The following TRAPPC9 variants were observed in gnomAD, a reference collection of about 807,000 sequenced individuals.
TRAPPC9 encodes trafficking protein particle complex subunit 9.
TRAPPC9 carries 83 observed loss-of-function variants against 124.0 expected under a neutral mutation model. That is an observed-to-expected ratio of 0.67 (90% CI 0.56 to 0.80). The LOEUF (loss-of-function observed/expected upper bound fraction) is 0.80. Among genes scored for constraint, TRAPPC9 ranks in the 30% least tolerant of loss-of-function variants. The pLI, the probability that TRAPPC9 is intolerant of heterozygous loss-of-function variation, is 0.00. For synonymous variants in TRAPPC9, 638 were observed against 617.5 expected (o/e 1.03, Z -0.49); for missense variants, 1,302 against 1,508.3 (o/e 0.86, Z 2.27).
At chr8:139,875,799 C>T (rs144224995) in intron 21 of TRAPPC9, among the ~76,000 whole-genome samples, 2 of 152,366 alleles carry the variant, frequency 1.3e-5, no homozygotes, top group Non-Finnish European at 1.5e-5. Context: ...CCCCAGTGGG[C>T]GGAGGCTCCT....
intron 15 of TRAPPC9, among the ~76,000 whole-genome samples, chr8:140,258,782 C>T (rs1033479294): frequency 2.6e-5 from 4 of 152,240 alleles, no homozygotes; most frequent in Non-Finnish European, 5.9e-5. Context: ...ACCAATGGGG[C>T]CTGCTTGCTG....
At chr8:139,913,845 C>T (rs1405076682) in intron 19 of TRAPPC9, 1 of 152,272 alleles carries the variant, frequency 6.6e-6, no homozygotes, top group Admixed American at 6.5e-5. Flanking sequence ...TACCTCTATC[C>T]ACCTCTAATA....
rs116989797 is a variant in TRAPPC9, at chr8:140,221,858, G to A, written c.2432-275C>T. 5.9e-5 allele frequency among the ~76,000 whole-genome samples: 9 copies of A among 152,190 alleles called. No individual in the cohort carries two copies. In the East Asian group the frequency reaches 1.7e-3, roughly 29 times the overall value. On this transcript the variant is annotated intron_variant, in intron 16 of 22. Coordinates refer to ENST00000438773, the MANE Select transcript of TRAPPC9 (RefSeq NM_001160372.4). ...TCACCACGTTGCCCAGGCTGGTTTT[G>A]TTTTTGTTTTTGTTTATGTAGGGGA... is the stretch of plus-strand genomic sequence containing the variant.
chr8:139,960,177 C>T (rs1835286579), intron 19 of TRAPPC9, among the ~76,000 whole-genome samples: 1 of 152,212 alleles, frequency 6.6e-6, no homozygotes, highest in African/African-American at 2.4e-5. Flanking sequence ...GCCTCATCAC[C>T]TGTGGTCGGC....
intron 21 of TRAPPC9, among the ~76,000 whole-genome samples, chr8:139,760,107 G>A (rs576796548): frequency 1.2e-4 from 18 of 152,358 alleles, no homozygotes; most frequent in Non-Finnish European, 2.4e-4. Context: ...GTGTGTGAGT[G>A]TATGTGGGTG....
intron 17 of TRAPPC9, among the ~76,000 whole-genome samples, chr8:140,069,576 T>A (rs1843039883): frequency 6.6e-6 from 1 of 152,022 alleles, no homozygotes; most frequent in African/African-American, 2.4e-5. Flanking sequence ...CACATTAATA[T>A]ACCCCATATG....
intron 5 of TRAPPC9, among the ~76,000 whole-genome samples, chr8:140,422,896 T>C (rs2070271929): frequency 6.6e-6 from 1 of 152,136 alleles, no homozygotes; most frequent in Non-Finnish European, 1.5e-5. Context: ...ATGCACATCA[T>C]TAGCTACGAG....
At position 139,907,331 on chromosome 8, in the gene TRAPPC9, T is replaced by C. The variant is rs891240703; in HGVS notation, c.2964+2816A>G. The stretch of plus-strand genomic sequence containing the variant: ...CAACTGCTACAACTATGGACGGGTA[T>C]CAAATTAAGCTCAAATGTTTGTAAA... On this transcript the variant is annotated intron_variant, in intron 20 of 22. Coordinates refer to ENST00000438773, the MANE Select transcript of TRAPPC9 (RefSeq NM_001160372.4). The surrounding 1 kb of genome is among the most constrained non-coding windows in gnomAD (Gnocchi z 4.7). Among the ~76,000 whole-genome samples, 2 of 152,152 alleles carry C rather than the reference T, an allele frequency of 1.3e-5. No individual in the cohort carries two copies. Among genetic ancestry groups the C allele is most frequent in the African/African-American group, 2.4e-5 (1 of 41,438 alleles).
At chr8:140,308,892 AG>A (rs2066215691) in intron 10 of TRAPPC9, among the ~76,000 whole-genome samples, 1 of 151,938 alleles carries the variant, frequency 6.6e-6, no homozygotes, top group African/African-American at 2.4e-5. Flanking sequence ...AAAAAAAAAA[AG>A]AAAGAAAGAA....
At chr8:140,320,504 GCA>G (rs1167458749) in intron 9 of TRAPPC9, among the ~76,000 whole-genome samples, 2 of 152,160 alleles carry the variant, frequency 1.3e-5, no homozygotes, top group Non-Finnish European at 2.9e-5. Flanking sequence ...CAAACGTCCA[GCA>G]CAGAGCTGCA....
rs2066288485 is a variant in TRAPPC9 at position 140,311,262 on chromosome 8, C to T, written c.1608G>A (p.Lys536=). The T allele has an allele frequency of 3.1e-6, 5 of 1,611,978 alleles. No individual in the cohort carries two copies. Among genetic ancestry groups the T allele is most frequent in the Admixed American group, 1.7e-5 (1 of 60,006 alleles). ...GCCCATCTCACCTGACGATGGGAAGCTTGGTGAAGGGCACCGGTGGCAGGG... is the reference window on the plus strand; with the variant it reads ...GCCCATCTCACCTGACGATGGGAAGTTTGGTGAAGGGCACCGGTGGCAGGG... The part of the protein sequence containing the change: ...GLTLPPVPFT[K]LPIVRHVKLL... The change falls in exon 10 of 23, where the codon AAG becomes AAA. Residue 536 remains lysine, a synonymous_variant. Transcript: ENST00000438773.
At chr8:139,806,191 A>C (rs1824045280) in intron 21 of TRAPPC9, 1 of 152,268 alleles carries the variant, frequency 6.6e-6, no homozygotes, top group Non-Finnish European at 1.5e-5. Context: ...GGGCTCCCGG[A>C]GATCAAATGG....
chr8:140,220,071 C>T (rs529052888), intron 17 of TRAPPC9, among the ~76,000 whole-genome samples: 1 of 152,250 alleles, frequency 6.6e-6, no homozygotes, highest in South Asian at 2.1e-4. Context: ...GAGAAAATCA[C>T]CAACAAAGCA....
At chr8:139,852,539 A>C (rs1188136750) in intron 21 of TRAPPC9, among the ~76,000 whole-genome samples, 1 of 152,210 alleles carries the variant, frequency 6.6e-6, no homozygotes, top group Non-Finnish European at 1.5e-5. Context: ...GGCAGTTTCC[A>C]AATGTATAAA....
intron 18 of TRAPPC9, among the ~76,000 whole-genome samples, chr8:140,020,974 T>A (rs970338347): frequency 4.6e-5 from 7 of 152,220 alleles, no homozygotes; most frequent in South Asian, 2.1e-4. Context: ...TTTTCCTTCA[T>A]CTTTTTGTTT....
intron 17 of TRAPPC9, among the ~76,000 whole-genome samples, chr8:140,058,482 G>A (rs774722522): frequency 3.5e-4 from 53 of 152,228 alleles, no homozygotes; most frequent in African/African-American, 1.2e-3. Context: ...TCTTTTGCTC[G>A]CTAGAGACCT....
At chr8:139,892,402 G>A (rs955294004) in intron 20 of TRAPPC9, among the ~76,000 whole-genome samples, 2 of 152,214 alleles carry the variant, frequency 1.3e-5, no homozygotes, top group African/African-American at 4.8e-5. Flanking sequence ...ATGAACTGAT[G>A]ACAGTCTAGC....
chr8:140,037,283 C>T (rs557657912), intron 17 of TRAPPC9, among the ~76,000 whole-genome samples: 3 of 151,914 alleles, frequency 2.0e-5, no homozygotes, highest in Non-Finnish European at 4.4e-5. Context: ...ACCAGCTAGT[C>T]TTACAAAACA....
chr8:139,979,602 C>A (rs1011418584), intron 19 of TRAPPC9, among the ~76,000 whole-genome samples: 96 of 152,200 alleles, frequency 6.3e-4, no homozygotes, highest in African/African-American at 2.3e-3. Context: ...TTAGTAAAGA[C>A]CCCCGGGTGA....
Sources: gnomAD v4.1 joint callset for allele counts (sites outside exome capture counted in the v4.1 genomes callset) on GRCh38, gnomAD v4.1.1 for gene constraint, Gnocchi (gnomAD v3.1) non-coding constraint, MANE v1.5 for transcripts, NCBI Gene and HGNC (gene_info 2026-07-23, HGNC 2026-07-21) for gene names.